HACD3: variants seen among roughly 807,000 people sequenced by gnomAD.
The protein encoded by HACD3 is 3-hydroxyacyl-CoA dehydratase 3.
Under a neutral mutation model 55.2 loss-of-function variants are expected in HACD3, and 30 were observed. The ratio of observed to expected loss-of-function variants is 0.54; its 90% CI spans 0.41 to 0.74. HACD3 has a LOEUF of 0.74. HACD3 is among the 30% of genes least tolerant of loss of function. HACD3 has a pLI of 0.00. For missense variants in HACD3, 363 were observed against 440.1 expected (o/e 0.82, Z 1.57); for synonymous variants, 141 against 151.7 (o/e 0.93, Z 0.52).
At chr15:65,561,317 T>C (rs2072242046) in intron 5 of HACD3, among the ~76,000 whole-genome samples, 1 of 151,922 alleles carries the variant, frequency 6.6e-6, no homozygotes, top group South Asian at 2.1e-4. Flanking sequence ...AATACAAAAA[T>C]TAGCCGGGCG....
intron 1 of HACD3, among the ~76,000 whole-genome samples, chr15:65,545,146 T>C (rs2072062692): frequency 6.6e-6 from 1 of 152,146 alleles, no homozygotes; most frequent in African/African-American, 2.4e-5. Flanking sequence ...GAATGGCAGA[T>C]TACATTATTA....
In HACD3 at chr15:65,571,620, G is replaced by A. The variant is rs1433288947; in HGVS notation, c.846G>A (p.Trp282Ter). The A allele has an allele frequency of 1.2e-6, 2 of 1,613,752 alleles. No individual in the cohort carries two copies. Among genetic ancestry groups the A allele is most frequent in the East Asian group, 4.5e-5 (2 of 44,882 alleles). ...TCACATGGCTTCGTTACACTCTGTGGATTCCCTTATATCCACTGGGATGTT... is the reference window on the plus strand; with the variant it reads ...TCACATGGCTTCGTTACACTCTGTGAATTCCCTTATATCCACTGGGATGTT... ...KVLTWLRYTLWIPLYPLGCLA... is the reference protein window; with the variant it reads ...KVLTWLRYTL Residue 282 changes from tryptophan (W) to a stop codon, truncating the protein, a stop_gained, in exon 9 of 11, where the codon TGG becomes TGA. Transcript: ENST00000261875. LOFTEE classifies it high-confidence loss of function.
chr15:65,534,676 A>C (rs2071937698), intron 1 of HACD3, among the ~76,000 whole-genome samples: 1 of 152,146 alleles, frequency 6.6e-6, no homozygotes, highest in African/African-American at 2.4e-5. Flanking sequence ...AAAGAGTGCT[A>C]ACTGAACACA....
intron 6 of HACD3, 84 bp from the exon 7 acceptor site, chr15:65,564,131 C>G (rs562044710): frequency 6.8e-7 from 1 of 1,462,360 alleles, no homozygotes; most frequent in East Asian, 2.3e-5. Context: ...CAGTTATTTT[C>G]ACGAAAGGAG....
At chr15:65,574,703 A>G (rs897964632) in intron 10 of HACD3, among the ~76,000 whole-genome samples, 11 of 146,152 alleles carry the variant, frequency 7.5e-5, no homozygotes, top group African/African-American at 2.4e-4. Context: ...GTCATTTGCA[A>G]AAGGTTAAAA....
chr15:65,574,634 C>T (rs945238471), intron 10 of HACD3: 2 of 152,106 alleles, frequency 1.3e-5, no homozygotes, highest in African/African-American at 2.4e-5. Flanking sequence ...TATTAGGAGC[C>T]CCTTAGTGTG....
chr15:65,567,844 C>G (rs2072307375), intron 7 of HACD3, among the ~76,000 whole-genome samples: 1 of 151,758 alleles, frequency 6.6e-6, no homozygotes, highest in South Asian at 2.1e-4. Context: ...TTAAAATAGT[C>G]AAAACCATAG....
At position 65,538,049 on chromosome 15, in the gene HACD3, C is replaced by T. The variant is rs147448345; in HGVS notation, c.87+7331C>T. The stretch of plus-strand genomic sequence containing the variant: ...TGCTCATTGACAGTGCACCTAGTCC[C>T]ACCCAAGAGTGCTGATGGAAATGTC... On this transcript the variant is annotated intron_variant, in intron 1 of 10. Transcript: ENST00000261875. 4.1e-4 allele frequency among the ~76,000 whole-genome samples: 61 copies of T among 148,228 alleles called. 1 individual carries two copies. In the East Asian group the frequency reaches 0.011, roughly 28 times the overall value.
rs765358702 is a variant in HACD3 at position 65,530,733 on chromosome 15, G to A, written c.87+15G>A. 1.5e-5 allele frequency: 23 copies of A among 1,536,908 alleles called. No homozygotes were observed. The highest frequency in any genetic ancestry group is 2.0e-5 in the Admixed American group (1 of 49,916). ...GTGACGTACAGGTAAAGGCCGGGTC[G>A]GGCGGCGGGAAGCGCGCGGGATCGC... is the stretch of plus-strand genomic sequence containing the variant. On this transcript the variant is annotated intron_variant, in intron 1 of 10. Coordinates refer to ENST00000261875, the MANE Select transcript of HACD3 (RefSeq NM_016395.4).
intron 1 of HACD3, among the ~76,000 whole-genome samples, chr15:65,547,268 C>T (rs2072087049): frequency 1.3e-5 from 2 of 152,148 alleles, no homozygotes; most frequent in African/African-American, 4.8e-5. Flanking sequence ...AGGCGCACGC[C>T]ATCATGCCTG....
intron 1 of HACD3, among the ~76,000 whole-genome samples, chr15:65,538,074 C>T (rs2071982054): frequency 6.7e-6 from 1 of 149,086 alleles, no homozygotes; most frequent in Non-Finnish European, 1.5e-5. Context: ...ATGGAAATGT[C>T]AAGGAGATTA....
intron 1 of HACD3, among the ~76,000 whole-genome samples, chr15:65,545,837 T>A (rs1466677417): frequency 2.0e-5 from 3 of 152,218 alleles, no homozygotes; most frequent in Non-Finnish European, 4.4e-5. Context: ...TTATTTCTTC[T>A]TTCCCTGAAT....
chr15:65,538,235 A>G (rs1021677290), intron 1 of HACD3, among the ~76,000 whole-genome samples: 4 of 152,104 alleles, frequency 2.6e-5, no homozygotes, highest in Admixed American at 6.6e-5. Flanking sequence ...GGCAAAGTCA[A>G]TTGAAAACTT....
chr15:65,558,773 G>A (rs770590400), intron 5 of HACD3, 42 bp downstream of exon 5: 16 of 1,560,994 alleles, frequency 1.0e-5, no homozygotes, highest in Non-Finnish European at 1.7e-6. Flanking sequence ...GTTAACTTGT[G>A]CTAGTGTTGG....
At chr15:65,567,677 A>T (rs1751266481) in intron 7 of HACD3, among the ~76,000 whole-genome samples, 1 of 152,216 alleles carries the variant, frequency 6.6e-6, no homozygotes, top group South Asian at 2.1e-4. Flanking sequence ...GATAAGAATG[A>T]CTGTTACATA....
At chr15:65,551,394 G>T (rs535555270) in intron 1 of HACD3, among the ~76,000 whole-genome samples, 2 of 152,308 alleles carry the variant, frequency 1.3e-5, no homozygotes, top group South Asian at 4.1e-4. Context: ...CACCTTGCAT[G>T]ACTGGCCATT....
intron 3 of HACD3, among the ~76,000 whole-genome samples, chr15:65,556,416 A>G (rs531639872): frequency 1.3e-5 from 2 of 152,292 alleles, no homozygotes; most frequent in East Asian, 1.9e-4. Flanking sequence ...TCTTGTGCCA[A>G]TGCTGATCTG....
rs1207254361 is a variant in HACD3 at position 65,577,559 on chromosome 15, A to G, written c.*1180A>G. 6.6e-6 allele frequency: 1 copy of G among 152,256 alleles called. No homozygotes were observed. The highest frequency in any genetic ancestry group is 1.5e-5 in the Non-Finnish European group (1 of 68,066). 9.4% of individuals were successfully genotyped at this position (152,256 alleles called of 1,614,324 possible). A position where few individuals can be genotyped will look rare whatever the true frequency, so the allele number is the denominator to read the frequency against. ...AACAGTGTACAGCCTTTGACAAACTAGAAATATTAGAGTAGGCCAAACACA... is the reference window on the plus strand; with the variant it reads ...AACAGTGTACAGCCTTTGACAAACTGGAAATATTAGAGTAGGCCAAACACA... On this transcript the variant is annotated 3_prime_UTR_variant, in exon 11 of 11. Coordinates refer to ENST00000261875, the MANE Select transcript of HACD3 (RefSeq NM_016395.4).
intron 1 of HACD3, among the ~76,000 whole-genome samples, chr15:65,534,068 AAAG>A (rs1567329188): frequency 4.6e-5 from 7 of 152,098 alleles, no homozygotes; most frequent in African/African-American, 7.2e-5. Context: ...AAAAAAAAGA[AAAG>A]AAACCAGTGG....
Sources: gnomAD v4.1 joint callset for allele counts (sites outside exome capture counted in the v4.1 genomes callset) on GRCh38, gnomAD v4.1.1 for gene constraint, MANE v1.5 for transcripts, NCBI Gene and HGNC (gene_info 2026-07-23, HGNC 2026-07-21) for gene names.